CPA5: variants seen among roughly 807,000 people sequenced by gnomAD.
CPA5 encodes carboxypeptidase A5.
Under a neutral mutation model 52.2 loss-of-function variants are expected in CPA5, and 38 were observed. That is an observed-to-expected ratio of 0.73 (90% CI 0.56 to 0.95). The LOEUF (loss-of-function observed/expected upper bound fraction) is 0.95, where lower values mean the gene tolerates loss of function less well. Among genes scored for constraint, CPA5 ranks in the 40% least tolerant of loss-of-function variants. The pLI, the probability that CPA5 is intolerant of heterozygous loss-of-function variation, is 0.00. For synonymous variants in CPA5, 198 were observed against 213.7 expected, an observed-to-expected ratio of 0.93 and a Z score of 0.64; for missense variants, 519 against 566.7, an observed-to-expected ratio of 0.92 and a Z score of 0.86.
chr7:130,373,563 G>A (rs1198009597), downstream of CPA5, among the ~76,000 whole-genome samples: 1 of 152,246 alleles, frequency 6.6e-6, no homozygotes, highest in Middle Eastern at 3.2e-3. Context: ...GCTGGGCCCT[G>A]GCAGGGATCC....
chr7:130,370,243 A>G (rs1796281170), downstream of CPA5, among the ~76,000 whole-genome samples: 1 of 152,166 alleles, frequency 6.6e-6, no homozygotes, highest in Non-Finnish European at 1.5e-5. Flanking sequence ...AGGGTAATTA[A>G]CCCCTGAACA....
rs1554409023 is a variant in CPA5, at chr7:130,367,965, T to A, written c.1098T>A (p.Ile366=). 2.5e-6 allele frequency: 4 copies of A among 1,614,076 alleles called. No homozygotes were observed. The highest frequency in any genetic ancestry group is 3.4e-6 in the Non-Finnish European group (4 of 1,180,040). Residue 366 remains isoleucine (I), a synonymous_variant, in exon 12 of 13, where the codon ATT becomes ATA. Coordinates refer to ENST00000474905, the MANE Select transcript of CPA5 (RefSeq NM_080385.5). ...ALYKVHGIEY[I]FGSISTTLYV... ...ATAAGGTCCATGGGATCGAGTACAT[T>A]TTTGGCAGCATCAGCACCACCCTCT...
At chr7:130,351,173 A>G (rs782732112) in intron 5 of CPA5, among the ~76,000 whole-genome samples, 8 of 152,218 alleles carry the variant, frequency 5.3e-5, no homozygotes, top group Non-Finnish European at 8.8e-5. Context: ...TTCCCGCTCA[A>G]CGTGTGGGGG....
intron 5 of CPA5, 133 bp downstream of exon 5, chr7:130,350,242 G>A: frequency 1.0e-6 from 1 of 972,266 alleles, no homozygotes; most frequent in Non-Finnish European, 1.5e-6. Flanking sequence ...TTGTGAACAT[G>A]CTGTGGAAGG....
At chr7:130,351,175 G>C in intron 5 of CPA5, among the ~76,000 whole-genome samples, 1 of 152,202 alleles carries the variant, frequency 6.6e-6, no homozygotes, top group East Asian at 1.9e-4. Flanking sequence ...CCCGCTCAAC[G>C]TGTGGGGGTG....
At chr7:130,349,907 G>C in intron 4 of CPA5, 68 bp from the exon 5 acceptor site, 4 of 1,523,536 alleles carry the variant, frequency 2.6e-6, no homozygotes, top group Non-Finnish European at 3.5e-6. Context: ...GGCTCTCTGT[G>C]GTCACCTACA....
chr7:130,363,316 C>T, intron 9 of CPA5, 103 bp from the exon 10 acceptor site: 1 of 917,452 alleles, frequency 1.1e-6, no homozygotes, highest in Non-Finnish European at 1.7e-6. Flanking sequence ...TTGCTCCTCC[C>T]TGCCCCACTA....
intron 5 of CPA5, 136 bp downstream of exon 5, chr7:130,350,245 G>A: frequency 1.1e-6 from 1 of 911,874 alleles, no homozygotes; most frequent in Non-Finnish European, 1.6e-6. Context: ...TGAACATGCT[G>A]TGGAAGGAAG....
At chr7:130,371,202 C>A (rs186070368), downstream of CPA5, among the ~76,000 whole-genome samples, 37 of 152,330 alleles carry the variant, frequency 2.4e-4, no homozygotes, top group Admixed American at 2.3e-3. Flanking sequence ...GCTTCCCAAG[C>A]CGAAATAAAC....
Position 130,362,451 on chromosome 7 carries a change from G to A in CPA5, c.548G>A (p.Gly183Asp). 1 of 1,612,652 alleles carries A rather than the reference G, an allele frequency of 6.2e-7. No homozygotes were observed. The highest frequency in any genetic ancestry group is 1.3e-5 in the African/African-American group (1 of 75,006). Residue 183 changes from glycine (G) to aspartate (D), a missense_variant, in exon 8 of 13, where the codon GGT becomes GAT. Transcript: ENST00000474905. ...SILVLKFSTG[G>D]SRHPAIWIDT... Reference sequence around the variant, plus strand: ...TCTTTTTCTCAGTTCAGCACTGGAGGTTCTCGGCACCCAGCCATCTGGATT... The same window carrying A: ...TCTTTTTCTCAGTTCAGCACTGGAGATTCTCGGCACCCAGCCATCTGGATT...
At chr7:130,374,109 G>A in the CPA5 span, among the ~76,000 whole-genome samples, 1 of 152,126 alleles carries the variant, frequency 6.6e-6, no homozygotes, top group African/African-American at 2.4e-5. Flanking sequence ...GCTGTGCTCT[G>A]TGGAATGTTC....
At chr7:130,373,868 C>T in the CPA5 span, among the ~76,000 whole-genome samples, 292 of 152,354 alleles carry the variant, frequency 1.9e-3, 2 homozygotes, top group East Asian at 8.5e-3. Context: ...GAGGCTAGGA[C>T]GGGCAAGCCA....
rs2117479758 is a variant in CPA5, at chr7:130,368,720, T to C, written c.*123T>C. On this transcript the variant is annotated 3_prime_UTR_variant, in exon 13 of 13. Coordinates refer to ENST00000474905, the MANE Select transcript of CPA5 (RefSeq NM_080385.5). The stretch of plus-strand genomic sequence containing the variant: ...CGACCTCTTAGAAAATAAATACAAG[T>C]TTGAACAGGCTTCGCTGCCTCTCGT... The C allele has an allele frequency of 9.7e-7, 1 of 1,030,106 alleles. No homozygotes were observed. The highest frequency in any genetic ancestry group is 2.5e-5 in the East Asian group (1 of 40,720). 63.8% of individuals were successfully genotyped at this position (1,030,106 alleles called of 1,614,324 possible). A position where few individuals can be genotyped will look rare whatever the true frequency, so the allele number is the denominator to read the frequency against.
At position 130,346,437 on chromosome 7, in the gene CPA5, G is replaced by A. The variant is rs782410158; in HGVS notation, c.-49G>A. The A allele has an allele frequency of 7.1e-7, 1 of 1,408,302 alleles. No individual in the cohort carries two copies. Among genetic ancestry groups the A allele is most frequent in the South Asian group, 1.2e-5 (1 of 84,268 alleles). 87.2% of individuals were successfully genotyped at this position (1,408,302 alleles called of 1,614,324 possible). On this transcript the variant is annotated 5_prime_UTR_variant, in exon 3 of 13. Coordinates refer to ENST00000474905, the MANE Select transcript of CPA5 (RefSeq NM_080385.5). ...AGGTGCTGTGCTGTCCTGAGGCCTGGGCCATGGTGCCCAAGGAAAGCCCCT... is the reference window on the plus strand; with the variant it reads ...AGGTGCTGTGCTGTCCTGAGGCCTGAGCCATGGTGCCCAAGGAAAGCCCCT...
chr7:130,372,737 C>G (rs1283257844), downstream of CPA5, among the ~76,000 whole-genome samples: 1 of 152,044 alleles, frequency 6.6e-6, no homozygotes, highest in African/African-American at 2.4e-5. Flanking sequence ...ATTGCTGCCC[C>G]AATGAAAATT....
chr7:130,358,274 C>T (rs1360211311), intron 5 of CPA5, among the ~76,000 whole-genome samples: 1 of 152,158 alleles, frequency 6.6e-6, no homozygotes, highest in East Asian at 1.9e-4. Context: ...GCTGCGTTTA[C>T]AGGTGTGAGC....
intron 4 of CPA5, among the ~76,000 whole-genome samples, chr7:130,349,345 A>C (rs1424358566): frequency 1.3e-5 from 2 of 152,124 alleles, no homozygotes; most frequent in Non-Finnish European, 2.9e-5. Context: ...GAGGTAGGAG[A>C]ATGGCATGAA....
At chr7:130,361,093 C>T (rs1554406478) in intron 6 of CPA5, 50 bp from the exon 7 acceptor site, 1 of 1,164,440 alleles carries the variant, frequency 8.6e-7, no homozygotes, top group Admixed American at 1.7e-5. Context: ...CCCCAGTGTT[C>T]ATCCCTCTTC....
chr7:130,368,281 C>A, intron 12 of CPA5, 129 bp from the exon 13 acceptor site: 1 of 845,824 alleles, frequency 1.2e-6, no homozygotes, highest in Non-Finnish European at 1.8e-6. Context: ...GGGCAGGAAG[C>A]CTGGTGTGGC....
Sources: gnomAD v4.1 joint callset for allele counts (sites outside exome capture counted in the v4.1 genomes callset) on GRCh38, gnomAD v4.1.1 for gene constraint, MANE v1.5 for transcripts, NCBI Gene and HGNC (gene_info 2026-07-23, HGNC 2026-07-21) for gene names.